EPM2A: variants seen among roughly 807,000 people sequenced by gnomAD.
EPM2A encodes laforin.
In EPM2A, 21 loss-of-function variants were observed where a neutral mutation model predicts 26.5. The ratio of observed to expected loss-of-function variants is 0.79; its 90% confidence interval spans 0.56 to 1.14. EPM2A has a LOEUF of 1.14. Ranked by LOEUF, EPM2A falls within the 50% of genes most tolerant of loss-of-function variation. The probability of loss-of-function intolerance (pLI) is 0.00; values close to 1 mark genes in which losing one functional copy is unlikely to be tolerated. For synonymous variants in EPM2A, 217 were observed against 177.6 expected, an observed-to-expected ratio of 1.22 and a Z score of -1.76; for missense variants, 458 against 440.8, an observed-to-expected ratio of 1.04 and a Z score of -0.35.
intron 4 of EPM2A, among the ~76,000 whole-genome samples, chr6:145,469,480 C>T (rs1779444949): frequency 6.6e-6 from 1 of 152,024 alleles, no homozygotes; most frequent in African/African-American, 2.4e-5. Flanking sequence ...GAGATATCAT[C>T]TCACTCCAGT....
chr6:145,395,978 T>C (rs1011154430), intron 4 of EPM2A, among the ~76,000 whole-genome samples: 4 of 151,902 alleles, frequency 2.6e-5, no homozygotes, highest in Non-Finnish European at 5.9e-5. Flanking sequence ...ATAAAGGGGG[T>C]AATATTTATA....
chr6:145,564,770 T>TG (rs1491195025), intron 2 of EPM2A, among the ~76,000 whole-genome samples: 11 of 112,884 alleles, frequency 9.7e-5, no homozygotes, highest in African/African-American at 4.3e-4. Context: ...TGTGGGTATA[T>TG]GGTGGGGGGG....
intron 2 of EPM2A, among the ~76,000 whole-genome samples, chr6:145,582,625 T>C (rs547956679): frequency 6.6e-4 from 100 of 152,376 alleles, no homozygotes; most frequent in Non-Finnish European, 8.1e-4. Flanking sequence ...CTGAAGACTA[T>C]GTCCCTTGAG....
chr6:145,600,340 T>A (rs980730126), intron 2 of EPM2A, among the ~76,000 whole-genome samples: 17 of 152,168 alleles, frequency 1.1e-4, no homozygotes, highest in African/African-American at 3.9e-4. Context: ...TTTCCAACAT[T>A]AGAAAACTAG....
At chr6:145,384,698 T>A (rs541178392) in intron 4 of EPM2A, among the ~76,000 whole-genome samples, 1 of 147,486 alleles carries the variant, frequency 6.8e-6, no homozygotes, top group Non-Finnish European at 1.5e-5. Context: ...AGTAAGTCCT[T>A]CAGTCCTGAA....
chr6:145,565,313 C>A (rs922397324), intron 2 of EPM2A, among the ~76,000 whole-genome samples: 5 of 152,140 alleles, frequency 3.3e-5, no homozygotes, highest in Non-Finnish European at 5.9e-5. Flanking sequence ...GGCAACATGA[C>A]CCCATGTGAT....
At chr6:145,460,413 A>G (rs9497313) in intron 4 of EPM2A, among the ~76,000 whole-genome samples, 16,618 of 152,216 alleles carry the variant, frequency 0.11, 2,013 homozygotes, top group African/African-American at 0.3. Flanking sequence ...AGAAGAAGAT[A>G]TAATTATTTA....
chr6:145,385,451 G>A (rs1778246023), intron 4 of EPM2A, among the ~76,000 whole-genome samples: 1 of 152,042 alleles, frequency 6.6e-6, no homozygotes, highest in Admixed American at 6.6e-5. Context: ...GTATTCTGAT[G>A]ATATAAATTA....
chr6:145,555,019 A>T (rs1453308695), intron 2 of EPM2A, among the ~76,000 whole-genome samples: 1 of 152,078 alleles, frequency 6.6e-6, no homozygotes, highest in Non-Finnish European at 1.5e-5. Context: ...TCAAAATCTA[A>T]TCATTTACAT....
chr6:145,445,858 T>G (rs1029189916), intron 4 of EPM2A, among the ~76,000 whole-genome samples: 1 of 152,232 alleles, frequency 6.6e-6, no homozygotes, highest in African/African-American at 2.4e-5. Context: ...TTCCCTTCAA[T>G]CTGGTTTATG....
At chr6:145,711,244 A>G (rs1389503794) in intron 1 of EPM2A, among the ~76,000 whole-genome samples, 1 of 152,206 alleles carries the variant, frequency 6.6e-6, no homozygotes, top group Non-Finnish European at 1.5e-5. Flanking sequence ...TCCCTGGCCA[A>G]TCCCAGAACT....
rs79040786 is a variant in EPM2A at position 145,506,690 on chromosome 6, G to C, written c.341-4115C>G. Among the ~76,000 whole-genome samples the C allele has an allele frequency of 4.8e-3, 731 of 152,298 alleles. 25 individuals carry two copies. The East Asian group carries it at 0.087, about 18-fold the overall frequency. On this transcript the variant is annotated intron_variant, in intron 2 of 3. Transcript: ENST00000450221. ...AAAATAAGTCACCCTGTAAGCAGAG[G>C]TTGTATCTGGGTCATACAAATACTG...
At chr6:145,667,406 A>T (rs991335975) in intron 2 of EPM2A, among the ~76,000 whole-genome samples, 1 of 145,842 alleles carries the variant, frequency 6.9e-6, no homozygotes, top group Admixed American at 6.7e-5. Flanking sequence ...CAAAAAACAC[A>T]TGAAAAAATG....
At chr6:145,688,142 T>A (rs927202174) in intron 1 of EPM2A, among the ~76,000 whole-genome samples, 2 of 152,126 alleles carry the variant, frequency 1.3e-5, no homozygotes, top group African/African-American at 4.8e-5. Context: ...ACTAAAAATT[T>A]GAAATATTCT....
intron 2 of EPM2A, among the ~76,000 whole-genome samples, chr6:145,586,310 C>T (rs952403183): frequency 6.6e-6 from 1 of 152,126 alleles, no homozygotes; most frequent in African/African-American, 2.4e-5. Flanking sequence ...GTTATACCAT[C>T]TTCACAGCTC....
chr6:145,646,559 C>G (rs1777481866), intron 2 of EPM2A, among the ~76,000 whole-genome samples: 1 of 152,112 alleles, frequency 6.6e-6, no homozygotes, highest in Admixed American at 6.5e-5. Flanking sequence ...TTACCCTACA[C>G]ACATTTATTC....
rs7772960 is a variant in EPM2A, at chr6:145,528,543, A to G, written c.341-25968T>C. 3.6e-3 allele frequency among the ~76,000 whole-genome samples: 554 copies of G among 152,270 alleles called. 1 individual carries two copies. Among genetic ancestry groups the G allele is most frequent in the African/African-American group, 0.012 (515 of 41,568 alleles). On this transcript the variant is annotated intron_variant, in intron 2 of 3. Transcript: ENST00000450221. ...ACAAAGCTTGACTGACAGCACATCT[A>G]TTTACAGCATGATTTACTGAATATT...
chr6:145,666,835 A>G (rs544876123), intron 2 of EPM2A, among the ~76,000 whole-genome samples: 2 of 150,836 alleles, frequency 1.3e-5, no homozygotes, highest in South Asian at 4.1e-4. Flanking sequence ...AATGGAACAG[A>G]AAAGAGCCCT....
At chr6:145,664,565 G>A (rs1779004160) in intron 2 of EPM2A, among the ~76,000 whole-genome samples, 1 of 148,984 alleles carries the variant, frequency 6.7e-6, no homozygotes, top group South Asian at 2.2e-4. Flanking sequence ...TTAATAATGG[G>A]AGACTTTAAC....
Sources: gnomAD v4.1 joint callset for allele counts (sites outside exome capture counted in the v4.1 genomes callset) on GRCh38, gnomAD v4.1.1 for gene constraint, MANE v1.5 for transcripts, NCBI Gene and HGNC (gene_info 2026-07-23, HGNC 2026-07-21) for gene names.